SLC4A8: variants seen among roughly 807,000 people sequenced by gnomAD.
The protein encoded by SLC4A8 is solute carrier family 4 member 8.
Under a neutral mutation model 125.0 loss-of-function variants are expected in SLC4A8, and 40 were observed. The observed-to-expected ratio is 0.32, with a 90% confidence interval of 0.25 to 0.42. The LOEUF is 0.42. Ranked by LOEUF, SLC4A8 falls within the 10% of genes least tolerant of loss-of-function variation. SLC4A8 has a pLI of 1.00. For synonymous variants in SLC4A8, 456 were observed against 476.0 expected (o/e 0.96, Z 0.55); for missense variants, 863 against 1,355.1 (o/e 0.64, Z 5.70).
At chr12:51,485,521 GC>G (rs1951139610) in intron 16 of SLC4A8, among the ~76,000 whole-genome samples, 1 of 152,092 alleles carries the variant, frequency 6.6e-6, no homozygotes, top group Non-Finnish European at 1.5e-5. Flanking sequence ...TCCCAACCTG[GC>G]CCTAAATGTC....
chr12:51,449,100 C>T (rs1474032203), intron 2 of SLC4A8, among the ~76,000 whole-genome samples: 1 of 152,060 alleles, frequency 6.6e-6, no homozygotes, highest in South Asian at 2.1e-4. Flanking sequence ...GAGAGCAAGC[C>T]AGACTGAGGA....
rs1434803089 is a variant in SLC4A8, at chr12:51,515,398, G to A, written c.*7960G>A. Reference sequence around the variant, plus strand: ...TGGAGAACAGAGCAACCTTCCCTCGGAAGGAGACAATTCGAGGTGCTGGTA... The same window carrying A: ...TGGAGAACAGAGCAACCTTCCCTCGAAAGGAGACAATTCGAGGTGCTGGTA... On this transcript the variant is annotated 3_prime_UTR_variant, in exon 25 of 25. Coordinates refer to ENST00000453097, the MANE Select transcript of SLC4A8 (RefSeq NM_001039960.3). The A allele has an allele frequency of 6.6e-6, 1 of 152,180 alleles. No homozygotes were observed. The highest frequency in any genetic ancestry group is 1.5e-5 in the Non-Finnish European group (1 of 68,046). 9.4% of individuals were successfully genotyped at this position (152,180 alleles called of 1,614,324 possible).
intron 7 of SLC4A8, 83 bp from the exon 8 acceptor site, chr12:51,459,868 C>T: frequency 7.9e-7 from 1 of 1,262,400 alleles, no homozygotes; most frequent in Non-Finnish European, 1.1e-6. Flanking sequence ...GACTCTGTCT[C>T]AAAAAAAAGT....
intron 14 of SLC4A8, among the ~76,000 whole-genome samples, chr12:51,472,809 G>A (rs751697466): frequency 6.6e-6 from 1 of 152,070 alleles, no homozygotes; most frequent in Non-Finnish European, 1.5e-5. Context: ...ATTTCATATG[G>A]TGCTGATGTG....
intron 22 of SLC4A8, among the ~76,000 whole-genome samples, chr12:51,501,358 C>G (rs550799987): frequency 1.3e-5 from 2 of 152,264 alleles, no homozygotes. Flanking sequence ...ATCTTTGTGT[C>G]CATGTGTACC....
At chr12:51,501,096 T>G (rs979252043) in intron 22 of SLC4A8, among the ~76,000 whole-genome samples, 1 of 152,222 alleles carries the variant, frequency 6.6e-6, no homozygotes, top group African/African-American at 2.4e-5. Flanking sequence ...CCCAAAGTGC[T>G]GGGATTATAG....
intron 16 of SLC4A8, among the ~76,000 whole-genome samples, chr12:51,483,357 A>C (rs1160450772): frequency 2.7e-5 from 4 of 150,940 alleles, no homozygotes; most frequent in Non-Finnish European, 4.4e-5. Context: ...TCACACACAA[A>C]AAAAAAAAAG....
rs1377014980 is a variant in SLC4A8 at position 51,505,889 on chromosome 12, G to A, written c.3228G>A (p.Trp1076Ter). ...ISDEMPKTTV[W>*]KALSMNSGNA... ...ATGAAATGCCTAAAACTACAGTTTG[G>A]AAAGCTCTCAGTATGAATTCTGGAA... Residue 1076 changes from tryptophan to a stop codon, truncating the protein, a stop_gained, in exon 24 of 25, where the codon TGG becomes TGA. Transcript: ENST00000453097. LOFTEE classifies it high-confidence loss of function. 1.3e-6 allele frequency: 2 copies of A among 1,589,058 alleles called. No individual in the cohort carries two copies. The highest frequency in any genetic ancestry group is 1.7e-6 in the Non-Finnish European group (2 of 1,159,442).
intron 1 of SLC4A8, among the ~76,000 whole-genome samples, chr12:51,428,564 C>T (rs959685827): frequency 3.9e-5 from 6 of 152,212 alleles, no homozygotes; most frequent in Admixed American, 6.5e-5. Flanking sequence ...CCCTCCTCTC[C>T]GCCAAGAATA....
chr12:51,480,362 A>C (rs1950993238), intron 16 of SLC4A8: 2 of 1,168,656 alleles, frequency 1.7e-6, no homozygotes, highest in South Asian at 3.2e-5. Flanking sequence ...ATAAAAGTCT[A>C]GAATGTGCTG....
intron 1 of SLC4A8, among the ~76,000 whole-genome samples, chr12:51,393,459 A>G (rs1416781983): frequency 6.6e-6 from 1 of 152,208 alleles, no homozygotes; most frequent in East Asian, 1.9e-4. Context: ...GATCCTAGCA[A>G]GAAGTTCTGA....
At chr12:51,395,513 C>T (rs149794018) in intron 1 of SLC4A8, among the ~76,000 whole-genome samples, 200 of 152,270 alleles carry the variant, frequency 1.3e-3, no homozygotes, top group African/African-American at 4.3e-3. Context: ...TCTGTGAGGC[C>T]GTTGACACCA....
chr12:51,440,410 G>GT lies in SLC4A8; in HGVS notation c.49-283dup, dbSNP rs11333373. Among the ~76,000 whole-genome samples, 172 of 144,754 alleles carry GT rather than the reference G, an allele frequency of 1.2e-3. 1 individual carries two copies. Among genetic ancestry groups the GT allele is most frequent in the Middle Eastern group, 3.6e-3 (1 of 278 alleles). 95.0% of individuals were successfully genotyped at this position (144,754 alleles called of 152,430 possible). ...AGCCTGGGTGACCCATTCTCTCTCT[G>GT]TTTTTTTTTTTTTTTAAAAGACCTA... On this transcript the variant is annotated intron_variant, in intron 1 of 24. Transcript: ENST00000453097.
intron 1 of SLC4A8, among the ~76,000 whole-genome samples, chr12:51,407,565 G>A (rs964587601): frequency 3.3e-5 from 5 of 152,002 alleles, no homozygotes; most frequent in Non-Finnish European, 5.9e-5. Flanking sequence ...CACCGTGCCC[G>A]GCTTCAACAT....
intron 16 of SLC4A8, among the ~76,000 whole-genome samples, chr12:51,481,779 C>T (rs997738580): frequency 5.3e-5 from 8 of 151,026 alleles, no homozygotes; most frequent in Non-Finnish European, 4.4e-5. Flanking sequence ...CCTATCTCTA[C>T]AAAGTATATA....
chr12:51,507,510 G>C lies in SLC4A8; in HGVS notation c.*72G>C. ...AAGTTCTGGTTACAGAGAAAATGGC[G>C]AGTCTCTCAGAGAAGAAGCAAGACC... On this transcript the variant is annotated 3_prime_UTR_variant, in exon 25 of 25. Transcript: ENST00000453097. 1 of 1,113,116 alleles carries C rather than the reference G, an allele frequency of 9.0e-7. No homozygotes were observed. The highest frequency in any genetic ancestry group is 3.1e-5 in the South Asian group (1 of 32,478). The allele number at this position is 1,113,116 out of a possible 1,614,324, so 69.0% of individuals were successfully genotyped here.
upstream of SLC4A8, among the ~76,000 whole-genome samples, chr12:51,421,087 T>G (rs928546785): frequency 6.6e-6 from 1 of 152,196 alleles, no homozygotes; most frequent in South Asian, 2.1e-4. Context: ...CTTGTCCACT[T>G]TATGCCTCTT....
At chr12:51,496,915 TA>T (rs1951474782) in intron 21 of SLC4A8, 71 bp from the exon 22 acceptor site, 5 of 1,496,196 alleles carry the variant, frequency 3.3e-6, no homozygotes, top group Non-Finnish European at 4.6e-6. Flanking sequence ...GCTGTGAAAA[TA>T]AGGCTTTGCT....
chr12:51,504,037 G>A lies in SLC4A8; in HGVS notation c.3090G>A (p.Glu1030=). 1 of 1,573,226 alleles carries A rather than the reference G, an allele frequency of 6.4e-7. No homozygotes were observed. The highest frequency in any genetic ancestry group is 1.2e-5 in the South Asian group (1 of 85,576). ...GTTTCTTTTTCTTCCAGGAGGCTGAGAAAATGTTAGAAATTGGGGGAGACA... is the reference window on the plus strand; with the variant it reads ...GTTTCTTTTTCTTCCAGGAGGCTGAAAAAATGTTAGAAATTGGGGGAGACA... ...KKKAKEEEEA[E]KMLEIGGDKF... The change falls in exon 23 of 25, where the codon GAG becomes GAA. Residue 1030 remains glutamate (E), a synonymous_variant. Transcript: ENST00000453097.
Sources: allele counts gnomAD v4.1 joint callset (sites outside exome capture counted in the v4.1 genomes callset), GRCh38; gene constraint gnomAD v4.1.1; transcripts MANE v1.5; gene names NCBI Gene and HGNC (gene_info 2026-07-23, HGNC 2026-07-21).